The following CDKAL1 variants were observed in gnomAD, a reference collection of about 807,000 sequenced individuals.
CDKAL1 encodes threonylcarbamoyladenosine tRNA methylthiotransferase.
In CDKAL1, 32 loss-of-function variants were observed where a neutral mutation model predicts 68.2. The observed-to-expected ratio is 0.47, with a 90% confidence interval of 0.35 to 0.63. The LOEUF is 0.63. Among genes scored for constraint, CDKAL1 ranks in the 30% least tolerant of loss-of-function variants. CDKAL1 has a pLI of 0.00. For missense variants in CDKAL1, 606 were observed against 696.7 expected (o/e 0.87, Z 1.47); for synonymous variants, 234 against 244.3 (o/e 0.96, Z 0.39).
At chr6:20,714,140 A>T (rs1458872495) in intron 5 of CDKAL1, among the ~76,000 whole-genome samples, 1 of 151,970 alleles carries the variant, frequency 6.6e-6, no homozygotes, top group Non-Finnish European at 1.5e-5. Flanking sequence ...CATGAAGGGC[A>T]AATTACCACC....
chr6:20,565,316 G>A (rs1021613478), intron 4 of CDKAL1, among the ~76,000 whole-genome samples: 2 of 152,024 alleles, frequency 1.3e-5, no homozygotes, highest in South Asian at 2.1e-4. Flanking sequence ...TTACTTAAAA[G>A]TAGGGACTAT....
At chr6:20,848,453 G>A (rs1758809313) in intron 9 of CDKAL1, among the ~76,000 whole-genome samples, 1 of 152,120 alleles carries the variant, frequency 6.6e-6, no homozygotes, top group Admixed American at 6.5e-5. Context: ...TGCCCTCTGA[G>A]TAACCAATTT....
chr6:20,893,129 G>A (rs776024334), intron 9 of CDKAL1, among the ~76,000 whole-genome samples: 23 of 152,164 alleles, frequency 1.5e-4, no homozygotes, highest in Non-Finnish European at 2.4e-4. Flanking sequence ...TCTCTGTGCC[G>A]CCTTATTTTT....
chr6:21,081,179 T>G (rs886329244), intron 12 of CDKAL1, among the ~76,000 whole-genome samples: 4 of 152,252 alleles, frequency 2.6e-5, no homozygotes, highest in African/African-American at 9.6e-5. Context: ...TTATCCTGCT[T>G]CTTTTACGAA....
intron 5 of CDKAL1, among the ~76,000 whole-genome samples, chr6:20,705,763 A>G (rs145664694): frequency 6.6e-6 from 1 of 152,270 alleles, no homozygotes; most frequent in Non-Finnish European, 1.5e-5. Flanking sequence ...ACTAGTTTTT[A>G]GCAGATCTAA....
chr6:20,974,795 A>G (rs1205393340), intron 10 of CDKAL1, among the ~76,000 whole-genome samples: 2 of 141,148 alleles, frequency 1.4e-5, no homozygotes, highest in East Asian at 2.2e-4. Flanking sequence ...ACTGGGCAAC[A>G]TAGCAAGACC....
At chr6:20,939,864 A>G (rs1232259944) in intron 9 of CDKAL1, among the ~76,000 whole-genome samples, 1 of 152,200 alleles carries the variant, frequency 6.6e-6, no homozygotes, top group Admixed American at 6.5e-5. Context: ...CCACCCATGT[A>G]TGGCAAATTA....
At chr6:21,114,967 A>G (rs1774332404) in intron 13 of CDKAL1, among the ~76,000 whole-genome samples, 1 of 151,982 alleles carries the variant, frequency 6.6e-6, no homozygotes, top group Admixed American at 6.5e-5. Context: ...GTACAGTAAA[A>G]TATTATATAA....
chr6:20,621,725 T>C (rs1242862809), intron 4 of CDKAL1, among the ~76,000 whole-genome samples: 1 of 152,072 alleles, frequency 6.6e-6, no homozygotes, highest in Non-Finnish European at 1.5e-5. Flanking sequence ...GATGACCCTG[T>C]CAGTCACTTC....
At chr6:21,156,059 A>G (rs976113409) in intron 13 of CDKAL1, among the ~76,000 whole-genome samples, 7 of 152,158 alleles carry the variant, frequency 4.6e-5, no homozygotes, top group Admixed American at 3.3e-4. Flanking sequence ...AAAACTGAAA[A>G]TGTATTACGA....
intron 5 of CDKAL1, among the ~76,000 whole-genome samples, chr6:20,719,577 G>T (rs1472830418): frequency 6.6e-6 from 1 of 152,066 alleles, no homozygotes; most frequent in African/African-American, 2.4e-5. Context: ...CTTTTTGAGG[G>T]CTGGGAAATC....
chr6:20,588,231 C>A (rs1168210128), intron 4 of CDKAL1, among the ~76,000 whole-genome samples: 1 of 152,204 alleles, frequency 6.6e-6, no homozygotes, highest in Admixed American at 6.5e-5. Flanking sequence ...GATTCCCTTT[C>A]CCTAGCATTT....
intron 10 of CDKAL1, among the ~76,000 whole-genome samples, chr6:20,991,706 CAAA>C (rs35504365): frequency 3.2e-4 from 19 of 59,616 alleles, no homozygotes; most frequent in Admixed American, 4.7e-4. Context: ...TATTCCCTCT[CAAA>C]AAAAAAAAAA....
intron 10 of CDKAL1, among the ~76,000 whole-genome samples, chr6:20,963,918 T>G (rs1019824157): frequency 1.3e-5 from 2 of 152,174 alleles, no homozygotes; most frequent in Admixed American, 1.3e-4. Context: ...TTAATCCACA[T>G]TGTGGTATAA....
chr6:21,114,381 A>C (rs951536315), intron 13 of CDKAL1, among the ~76,000 whole-genome samples: 6 of 152,218 alleles, frequency 3.9e-5, no homozygotes, highest in African/African-American at 1.4e-4. Context: ...TTATTTACTT[A>C]ATTAGATGCT....
intron 7 of CDKAL1, among the ~76,000 whole-genome samples, chr6:20,761,876 A>C (rs2150352939): frequency 6.6e-6 from 1 of 152,274 alleles, no homozygotes; most frequent in African/African-American, 2.4e-5. Flanking sequence ...AAATCCTTAG[A>C]ATGAACAACA....
At chr6:21,123,721 C>T (rs561432570) in intron 13 of CDKAL1, among the ~76,000 whole-genome samples, 1 of 152,298 alleles carries the variant, frequency 6.6e-6, no homozygotes, top group South Asian at 2.1e-4. Flanking sequence ...TATCACAGAC[C>T]TATTTTTGAT....
intron 8 of CDKAL1, among the ~76,000 whole-genome samples, chr6:20,784,546 T>A (rs1319951501): frequency 6.8e-6 from 1 of 146,838 alleles, no homozygotes; most frequent in Non-Finnish European, 1.5e-5. Context: ...TGCCTCAGCC[T>A]CCCGAGTAGC....
At chr6:21,206,810 A>G (rs1334550575) in intron 15 of CDKAL1, among the ~76,000 whole-genome samples, 1 of 152,250 alleles carries the variant, frequency 6.6e-6, no homozygotes, top group African/African-American at 2.4e-5. Flanking sequence ...TAAATCATGT[A>G]GACAAAGTGC....
Sources: allele counts gnomAD v4.1 joint callset (sites outside exome capture counted in the v4.1 genomes callset), GRCh38; gene constraint gnomAD v4.1.1; transcripts MANE v1.5; gene names NCBI Gene and HGNC (gene_info 2026-07-23, HGNC 2026-07-21).